ZNF536: variants seen among roughly 807,000 people sequenced by gnomAD.
ZNF536 encodes zinc finger protein 536.
In ZNF536, 13 loss-of-function variants were observed where a neutral mutation model predicts 84.5. The observed-to-expected ratio is 0.15, with a 90% CI of 0.10 to 0.24. The LOEUF (loss-of-function observed/expected upper bound fraction) is 0.24. Ranked by LOEUF, ZNF536 falls within the 10% of genes least tolerant of loss-of-function variation. ZNF536 has a pLI of 1.00. For missense variants in ZNF536, 1,536 were observed against 1,747.5 expected (o/e 0.88, Z 2.16); for synonymous variants, 811 against 742.5 (o/e 1.09, Z -1.50).
chr19:30,521,836 T>A (rs1249472515), intron 2 of ZNF536, among the ~76,000 whole-genome samples: 1 of 152,072 alleles, frequency 6.6e-6, no homozygotes, highest in African/African-American at 2.4e-5. Context: ...GCCTGACTTA[T>A]AATCAAGAAA....
chr19:30,366,361 TC>T (rs2048428974), intron 3 of ZNF536, among the ~76,000 whole-genome samples: 1 of 134,156 alleles, frequency 7.5e-6, no homozygotes. Context: ...ACCTATCATA[TC>T]TCTATCTATC....
chr19:30,681,126 G>C (rs1303001302), intron 1 of ZNF536, among the ~76,000 whole-genome samples: 1 of 152,114 alleles, frequency 6.6e-6, no homozygotes, highest in African/African-American at 2.4e-5. Flanking sequence ...AACCCCAGGG[G>C]CAACCACACT....
At chr19:30,647,134 T>C (rs1309375149) in intron 1 of ZNF536, among the ~76,000 whole-genome samples, 1 of 152,208 alleles carries the variant, frequency 6.6e-6, no homozygotes, top group African/African-American at 2.4e-5. Flanking sequence ...TTTCAAAATA[T>C]TCTATTAGTT....
At chr19:30,277,603 G>A (rs1003738885) in intron 1 of ZNF536, among the ~76,000 whole-genome samples, 1 of 152,176 alleles carries the variant, frequency 6.6e-6, no homozygotes, top group African/African-American at 2.4e-5. Context: ...TCTGTGTCAG[G>A]GTGGCAACTG....
chr19:30,279,680 C>T (rs1317193666), intron 1 of ZNF536, among the ~76,000 whole-genome samples: 1 of 152,180 alleles, frequency 6.6e-6, no homozygotes, highest in Non-Finnish European at 1.5e-5. Context: ...AGAAGACGCT[C>T]TGTGTATCTT....
intron 1 of ZNF536, among the ~76,000 whole-genome samples, chr19:30,694,393 C>G (rs1341080256): frequency 1.3e-5 from 2 of 152,226 alleles, no homozygotes; most frequent in Non-Finnish European, 2.9e-5. Context: ...ACACACAAAG[C>G]CTCACCCAGT....
At chr19:30,464,159 T>C (rs1351656449) in intron 2 of ZNF536, among the ~76,000 whole-genome samples, 1 of 152,170 alleles carries the variant, frequency 6.6e-6, no homozygotes, top group African/African-American at 2.4e-5. Flanking sequence ...GGCCAGCACC[T>C]GCAAAGTGAT....
At chr19:30,473,034 A>C (rs2053701439) in intron 2 of ZNF536, among the ~76,000 whole-genome samples, 2 of 114,478 alleles carry the variant, frequency 1.7e-5, no homozygotes, top group Non-Finnish European at 3.3e-5. Context: ...TCTACTAAGA[A>C]TACAAAAAAA....
At chr19:30,706,448 C>T (rs566754017) in intron 1 of ZNF536, among the ~76,000 whole-genome samples, 4 of 150,970 alleles carry the variant, frequency 2.6e-5, no homozygotes, top group Non-Finnish European at 5.9e-5. Context: ...GATCACACCA[C>T]TGCACTGCAG....
At chr19:30,437,018 A>T (rs2051780747) in intron 1 of ZNF536, among the ~76,000 whole-genome samples, 1 of 152,176 alleles carries the variant, frequency 6.6e-6, no homozygotes, top group African/African-American at 2.4e-5. Context: ...ACAATACTTG[A>T]TTTTTTAAAA....
At chr19:30,626,189 A>G (rs1037629121) in intron 1 of ZNF536, among the ~76,000 whole-genome samples, 1 of 152,200 alleles carries the variant, frequency 6.6e-6, no homozygotes, top group Non-Finnish European at 1.5e-5. Context: ...CAGGTGTCAG[A>G]CACACACAAG....
chr19:30,289,289 T>C (rs12460915), intron 2 of ZNF536, among the ~76,000 whole-genome samples: 100,819 of 152,158 alleles, frequency 0.66, 33,593 homozygotes, highest in African/African-American at 0.74. Flanking sequence ...TAATGTTTTG[T>C]TTTTGGTTTA....
At chr19:30,537,016 T>C (rs1275047003) in intron 3 of ZNF536, among the ~76,000 whole-genome samples, 2 of 152,174 alleles carry the variant, frequency 1.3e-5, no homozygotes, top group African/African-American at 4.8e-5. Context: ...CTCTCCATAG[T>C]GCTCACAGCA....
chr19:30,568,185 C>A (rs537088463), intron 1 of ZNF536, among the ~76,000 whole-genome samples: 19 of 152,146 alleles, frequency 1.2e-4, no homozygotes, highest in Non-Finnish European at 2.6e-4. Context: ...CAGTAGGTAG[C>A]ATTTTGGTTT....
chr19:30,527,194 G>A (rs992224164), intron 2 of ZNF536, among the ~76,000 whole-genome samples: 2 of 146,124 alleles, frequency 1.4e-5, no homozygotes, highest in African/African-American at 5.1e-5. Context: ...TGGGATTACA[G>A]GTGTGATCCA....
At chr19:30,601,792 G>A (rs1396381022) in intron 1 of ZNF536, among the ~76,000 whole-genome samples, 1 of 152,170 alleles carries the variant, frequency 6.6e-6, no homozygotes, top group African/African-American at 2.4e-5. Flanking sequence ...AGGCAACGTG[G>A]CTCTCCCAAG....
chr19:30,244,698 C>T (rs2024150697), intron 1 of ZNF536, among the ~76,000 whole-genome samples: 2 of 152,168 alleles, frequency 1.3e-5, no homozygotes, highest in Admixed American at 6.5e-5. Context: ...CTTTTAGCAC[C>T]CTCTGGATGC....
chr19:30,633,806 T>C (rs1002203997), intron 1 of ZNF536, among the ~76,000 whole-genome samples: 7 of 152,154 alleles, frequency 4.6e-5, no homozygotes, highest in Admixed American at 4.6e-4. Flanking sequence ...ACTCCTAGGC[T>C]CATTCAATTC....
intron 2 of ZNF536, among the ~76,000 whole-genome samples, chr19:30,331,780 T>C (rs184074712): frequency 6.6e-6 from 1 of 152,242 alleles, no homozygotes; most frequent in Non-Finnish European, 1.5e-5. Context: ...TTGTGATGCC[T>C]CCACTGTCAA....
Sources: gnomAD v4.1 joint callset for allele counts (sites outside exome capture counted in the v4.1 genomes callset) on GRCh38, gnomAD v4.1.1 for gene constraint, MANE v1.5 for transcripts, NCBI Gene and HGNC (gene_info 2026-07-23, HGNC 2026-07-21) for gene names.